Variants in FRMPD4 observed in about 807,000 individuals in gnomAD.
The protein encoded by FRMPD4 is FERM and PDZ domain-containing protein 4.
A neutral mutation model predicts 94.1 loss-of-function variants in FRMPD4; 22 were observed. The observed-to-expected ratio is 0.23, with a 90% CI of 0.17 to 0.33. The LOEUF (loss-of-function observed/expected upper bound fraction) is 0.33, where lower values mean the gene tolerates loss of function less well. FRMPD4 is among the 10% of genes least tolerant of loss of function. The probability of loss-of-function intolerance (pLI) is 1.00; values close to 1 mark genes in which losing one functional copy is unlikely to be tolerated. For synonymous variants in FRMPD4, 631 were observed against 548.6 expected, an observed-to-expected ratio of 1.15 and a Z score of -2.10; for missense variants, 1,111 against 1,339.9, an observed-to-expected ratio of 0.83 and a Z score of 2.67.
chrX:12,701,730 A>G (rs1355550145), intron 9 of FRMPD4, 144 bp from the exon 10 acceptor site: 4 of 535,560 alleles, frequency 7.5e-6, no homozygotes, highest in Non-Finnish European at 1.2e-5. Flanking sequence ...TCCAAGCAGC[A>G]CGGTGGAGAT....
intron 4 of FRMPD4, among the ~76,000 whole-genome samples, chrX:12,651,775 A>G (rs938699120): frequency 8.9e-6 from 1 of 112,305 alleles, no homozygotes; most frequent in Non-Finnish European, 1.9e-5. Flanking sequence ...AAACATAAAT[A>G]TCTTCCAAAC....
chrX:12,063,415 C>T (rs1209949510), intron 3 of FRMPD4, among the ~76,000 whole-genome samples: 2 of 112,004 alleles, frequency 1.8e-5, no homozygotes, highest in Admixed American at 1.9e-4. Flanking sequence ...TTTCACCATT[C>T]CTATATTAGT....
At chrX:12,185,858 T>C in intron 1 of FRMPD4, among the ~76,000 whole-genome samples, 1 of 111,368 alleles carries the variant, frequency 9.0e-6, no homozygotes, top group Non-Finnish European at 1.9e-5. Flanking sequence ...CTACTTGGGG[T>C]CATAAAATTC....
intron 3 of FRMPD4, among the ~76,000 whole-genome samples, chrX:11,955,598 T>C (rs777607350): frequency 7.7e-4 from 85 of 109,758 alleles, no homozygotes; most frequent in Non-Finnish European, 9.5e-4. Flanking sequence ...AAAAATTAGC[T>C]GGGCGTGGTG....
chrX:12,653,928 C>T (rs1181935475), intron 4 of FRMPD4, among the ~76,000 whole-genome samples: 1 of 111,617 alleles, frequency 9.0e-6, no homozygotes, highest in Non-Finnish European at 1.9e-5. Context: ...CCACCATGCC[C>T]AGCTAATTTT....
intron 1 of FRMPD4, among the ~76,000 whole-genome samples, chrX:12,415,249 C>T (rs1046641324): frequency 9.0e-6 from 1 of 111,725 alleles, no homozygotes. Context: ...AGAGGGTCTT[C>T]GTTGTAAGTA....
chrX:12,387,977 T>TAAA (rs57694212), intron 1 of FRMPD4, among the ~76,000 whole-genome samples: 41 of 93,588 alleles, frequency 4.4e-4, no homozygotes, highest in Middle Eastern at 5.5e-3. Flanking sequence ...GAATCAATCT[T>TAAA]AAAAAAAAAA....
intron 1 of FRMPD4, among the ~76,000 whole-genome samples, chrX:12,306,341 G>T (rs1216321209): frequency 9.0e-6 from 1 of 111,627 alleles, no homozygotes; most frequent in Non-Finnish European, 1.9e-5. Flanking sequence ...GGGCCAGGTT[G>T]ACATGTCTCT....
intron 1 of FRMPD4, among the ~76,000 whole-genome samples, chrX:12,326,554 G>C (rs780556728): frequency 8.9e-6 from 1 of 111,939 alleles, no homozygotes; most frequent in African/African-American, 3.2e-5. Flanking sequence ...CCCTGGCTGA[G>C]AGCCACCAAG....
At chrX:12,161,828 A>G (rs1199957155) in intron 1 of FRMPD4, among the ~76,000 whole-genome samples, 1 of 112,078 alleles carries the variant, frequency 8.9e-6, no homozygotes, top group Non-Finnish European at 1.9e-5. Context: ...TTAAATTCAA[A>G]TAGTCTCATT....
chrX:12,609,005 C>T (rs1363625855), intron 2 of FRMPD4, among the ~76,000 whole-genome samples: 2 of 112,439 alleles, frequency 1.8e-5, no homozygotes, highest in African/African-American at 6.5e-5. Flanking sequence ...TTACCAATAA[C>T]ATAACAGTTG....
At chrX:12,381,511 G>C (rs2056318176) in intron 1 of FRMPD4, among the ~76,000 whole-genome samples, 1 of 111,568 alleles carries the variant, frequency 9.0e-6, no homozygotes, top group African/African-American at 3.2e-5. Context: ...CTTTATTAAA[G>C]TGTTTTTTTT....
rs1303879296 is a variant in FRMPD4 at position 12,720,697 on chromosome X, C to T, written c.4128C>T (p.Tyr1376=). The change falls in exon 17 of 17, where the codon TAC becomes TAT. Residue 1376 remains tyrosine, a synonymous_variant. Transcript: ENST00000675598. ...ATTTCTCCCAAGCAAATCAGGCATA[C>T]GGAGAGGCTGTGAGCTGGCGGCCAC... is the stretch of plus-strand genomic sequence containing the variant. The part of the protein sequence containing the change: ...PNDFSQANQA[Y]GEAVSWRPPD... 2.8e-6 allele frequency: 3 copies of T among 1,078,769 alleles called. No homozygotes were observed. Among genetic ancestry groups the T allele is most frequent in the South Asian group, 2.5e-5 (1 of 39,830 alleles). 88.9% of individuals were successfully genotyped at this position (1,078,769 alleles called of 1,213,427 possible).
rs773698987 is a variant in FRMPD4, at chrX:12,423,182, C to T, written c.42-75498C>T. 7.3e-5 allele frequency among the ~76,000 whole-genome samples: 8 copies of T among 110,007 alleles called. No homozygotes were observed. In the South Asian group the frequency reaches 1.2e-3, roughly 17 times the overall value. On this transcript the variant is annotated intron_variant, in intron 1 of 16. Transcript: ENST00000675598. The stretch of plus-strand genomic sequence containing the variant: ...CTCCTGAAGTGTTGTTGCAGTGAGC[C>T]GAACCAAGATCGCGCCACTACACGC...
intron 1 of FRMPD4, among the ~76,000 whole-genome samples, chrX:12,378,334 C>T (rs1442763030): frequency 2.7e-5 from 3 of 112,582 alleles, no homozygotes; most frequent in African/African-American, 6.5e-5. Context: ...GAGAGCTTTT[C>T]GCAATGTGCT....
At position 12,196,629 on chromosome X, in the gene FRMPD4, TTA is replaced by T. The variant is rs750235241; in HGVS notation, c.41+57628_41+57629del. On this transcript the variant is annotated intron_variant, in intron 1 of 16. Transcript: ENST00000675598. ...ACATTTGTTGTTGCAAAAAGAAAGT[TTA>T]TATATATATAAAAAATATATTTATA... 5.2e-3 allele frequency among the ~76,000 whole-genome samples: 564 copies of T among 107,691 alleles called. 1 individual carries two copies. The highest frequency in any genetic ancestry group is 0.018 in the African/African-American group (550 of 29,916). 93.5% of individuals were successfully genotyped at this position (107,691 alleles called of 115,157 possible).
At chrX:12,160,199 G>A (rs1263385944) in intron 1 of FRMPD4, among the ~76,000 whole-genome samples, 1 of 110,751 alleles carries the variant, frequency 9.0e-6, no homozygotes, top group Non-Finnish European at 1.9e-5. Context: ...TTGTTCATAA[G>A]CAAACACAAA....
intron 1 of FRMPD4, among the ~76,000 whole-genome samples, chrX:12,241,635 C>T (rs1295103321): frequency 1.8e-5 from 2 of 111,795 alleles, no homozygotes; most frequent in Non-Finnish European, 3.8e-5. Flanking sequence ...CACACTGGCT[C>T]ACGCCTGTAA....
intron 3 of FRMPD4, among the ~76,000 whole-genome samples, chrX:12,116,778 C>T (rs1367268776): frequency 2.7e-5 from 3 of 111,997 alleles, no homozygotes; most frequent in African/African-American, 9.7e-5. Context: ...TCTTAAGACC[C>T]TTCTCTGACA....
Sources: gnomAD v4.1 joint callset for allele counts (sites outside exome capture counted in the v4.1 genomes callset) on GRCh38, gnomAD v4.1.1 for gene constraint, MANE v1.5 for transcripts, NCBI Gene and HGNC (gene_info 2026-07-23, HGNC 2026-07-21) for gene names.